Variants in GPHN observed in about 807,000 individuals in gnomAD.
GPHN encodes gephyrin.
Under a neutral mutation model 95.5 loss-of-function variants are expected in GPHN, and 17 were observed. That is an observed-to-expected ratio of 0.18 (90% CI 0.12 to 0.27). The LOEUF (loss-of-function observed/expected upper bound fraction) is 0.27. Ranked by LOEUF, GPHN falls within the 10% of genes least tolerant of loss-of-function variation. The pLI is 1.00. For missense variants in GPHN, 660 were observed against 978.1 expected, an observed-to-expected ratio of 0.67 and a Z score of 4.34; for synonymous variants, 320 against 322.5, an observed-to-expected ratio of 0.99 and a Z score of 0.08.
chr14:67,213,800 A>G, the GPHN span, among the ~76,000 whole-genome samples: 8 of 152,070 alleles, frequency 5.3e-5, no homozygotes, highest in South Asian at 4.1e-4. Flanking sequence ...AAGTGTTCCT[A>G]TTTCTCCACA....
At chr14:67,058,860 A>G in intron 11 of GPHN, 74 bp downstream of exon 11, 2 of 1,236,098 alleles carry the variant, frequency 1.6e-6, no homozygotes, top group South Asian at 2.4e-5. Context: ...ACATTAATGC[A>G]CAGTTTTCCT....
Position 66,575,481 on chromosome 14 carries a change from C to T in GPHN, c.64+66890C>T, listed in dbSNP as rs147713741. ...AGTCATTTAGTAGTACATTATTTTG[C>T]CAGTTTTTACAGACTGGCTTTGACA... On this transcript the variant is annotated intron_variant, in intron 1 of 22. Coordinates refer to ENST00000478722, the MANE Select transcript of GPHN (RefSeq NM_020806.5). Among the ~76,000 whole-genome samples the T allele has an allele frequency of 8.6e-4, 131 of 152,222 alleles. 2 individuals carry two copies. The highest frequency in any genetic ancestry group is 5.6e-3 in the Admixed American group (85 of 15,296).
chr14:67,099,225 T>C (rs1171386021), intron 12 of GPHN, among the ~76,000 whole-genome samples: 1 of 151,892 alleles, frequency 6.6e-6, no homozygotes, highest in African/African-American at 2.4e-5. Flanking sequence ...TTCTCCTGCC[T>C]CAGCCTCCCG....
At chr14:67,224,297 C>T in the GPHN span, among the ~76,000 whole-genome samples, 6 of 145,356 alleles carry the variant, frequency 4.1e-5, no homozygotes, top group Admixed American at 7.0e-5. Context: ...CTTACTCTGT[C>T]GCCCAGGCTG....
intron 8 of GPHN, among the ~76,000 whole-genome samples, chr14:66,951,229 G>T (rs1256118130): frequency 6.6e-6 from 1 of 151,980 alleles, no homozygotes; most frequent in Non-Finnish European, 1.5e-5. Context: ...AATTAAGAAA[G>T]GGATAAAGGG....
chr14:67,708,031 C>T, the GPHN span, among the ~76,000 whole-genome samples: 1 of 152,196 alleles, frequency 6.6e-6, no homozygotes, highest in Admixed American at 6.5e-5. Flanking sequence ...CAAATGGAAA[C>T]AGATTCTTAC....
chr14:66,866,080 C>A (rs2063210810), intron 4 of GPHN, among the ~76,000 whole-genome samples: 1 of 152,084 alleles, frequency 6.6e-6, no homozygotes, highest in South Asian at 2.1e-4. Flanking sequence ...TTCTTCTACC[C>A]CACTCCCACC....
At chr14:67,312,536 A>G in the GPHN span, 2 of 1,579,916 alleles carry the variant, frequency 1.3e-6, no homozygotes, top group Non-Finnish European at 1.7e-6. Flanking sequence ...GATCCATGTA[A>G]AAGCTCATTT....
chr14:66,998,998 G>C (rs1055320242), intron 9 of GPHN, among the ~76,000 whole-genome samples: 8 of 151,240 alleles, frequency 5.3e-5, no homozygotes, highest in Non-Finnish European at 4.4e-5. Flanking sequence ...AGCCTTGTTT[G>C]GGGTAAATAT....
chr14:66,983,676 C>G (rs2070830706), intron 9 of GPHN, among the ~76,000 whole-genome samples: 1 of 152,112 alleles, frequency 6.6e-6, no homozygotes, highest in Non-Finnish European at 1.5e-5. Context: ...ATAAATCAGT[C>G]TTATAATCTA....
intron 8 of GPHN, among the ~76,000 whole-genome samples, chr14:66,934,745 ATACTGGG>A: frequency 6.6e-6 from 1 of 152,226 alleles, no homozygotes; most frequent in East Asian, 1.9e-4. Flanking sequence ...TTTAAAAGAG[ATACTGGG>A]TCCCAGTAAC....
chr14:67,600,914 A>G, the GPHN span, among the ~76,000 whole-genome samples: 1 of 152,144 alleles, frequency 6.6e-6, no homozygotes, highest in Non-Finnish European at 1.5e-5. Context: ...TTGCTTGGCA[A>G]GCCGATTTCT....
At chr14:67,357,607 G>A in the GPHN span, among the ~76,000 whole-genome samples, 23,603 of 152,192 alleles carry the variant, frequency 0.16, 3,461 homozygotes, top group East Asian at 0.42. Context: ...TCTGACTGCT[G>A]TCAAAGATAA....
At chr14:67,115,263 A>G (rs532980881) in intron 16 of GPHN, among the ~76,000 whole-genome samples, 1 of 152,192 alleles carries the variant, frequency 6.6e-6, no homozygotes, top group South Asian at 2.1e-4. Context: ...AGATAAATAA[A>G]GCATATTATC....
chr14:66,954,607 C>G (rs1251876318), intron 8 of GPHN, among the ~76,000 whole-genome samples: 1 of 152,054 alleles, frequency 6.6e-6, no homozygotes, highest in African/African-American at 2.4e-5. Context: ...CAATTTGAAG[C>G]CTTTTATTTC....
intron 9 of GPHN, among the ~76,000 whole-genome samples, chr14:67,020,056 G>A (rs2073525031): frequency 6.6e-6 from 1 of 152,154 alleles, no homozygotes. Context: ...CACTGTTAAA[G>A]CAATGTGCCT....
At chr14:67,692,207 G>T in the GPHN span, 1 of 473,880 alleles carries the variant, frequency 2.1e-6, no homozygotes, top group East Asian at 4.2e-5. Context: ...GAGATTTCTG[G>T]CTTCAGCTCT....
chr14:66,675,150 T>TTTG (rs2066513751), intron 1 of GPHN, among the ~76,000 whole-genome samples: 1 of 151,386 alleles, frequency 6.6e-6, no homozygotes, highest in African/African-American at 2.4e-5. Context: ...TTTCCAGTTT[T>TTTG]TTTTTTTTTT....
chr14:66,991,127 A>G (rs2071389766), intron 9 of GPHN, among the ~76,000 whole-genome samples: 2 of 152,116 alleles, frequency 1.3e-5, no homozygotes, highest in African/African-American at 2.4e-5. Context: ...TTGATTCATA[A>G]AATGGGATGT....
Sources: gnomAD v4.1 joint callset for allele counts (sites outside exome capture counted in the v4.1 genomes callset) on GRCh38, gnomAD v4.1.1 for gene constraint, MANE v1.5 for transcripts, NCBI Gene and HGNC (gene_info 2026-07-23, HGNC 2026-07-21) for gene names.